AGTPBP1: variants seen among roughly 807,000 people sequenced by gnomAD.
AGTPBP1 encodes cytosolic carboxypeptidase 1.
A neutral mutation model predicts 143.9 loss-of-function variants in AGTPBP1; 70 were observed. The observed-to-expected ratio is 0.49, with a 90% CI of 0.40 to 0.59. AGTPBP1 has a LOEUF of 0.59. Among genes scored for constraint, AGTPBP1 ranks in the 20% least tolerant of loss-of-function variants. The pLI is 0.00. For synonymous variants in AGTPBP1, 463 were observed against 500.2 expected (o/e 0.93, Z 0.99); for missense variants, 1,229 against 1,464.5 (o/e 0.84, Z 2.62).
At chr9:85,559,369 T>C (rs2132822877) in intron 25 of AGTPBP1, among the ~76,000 whole-genome samples, 1 of 151,562 alleles carries the variant, frequency 6.6e-6, no homozygotes, top group South Asian at 2.1e-4. Flanking sequence ...TAACTTCTGG[T>C]AAACACAGAG....
At chr9:85,548,722 C>T (rs1013682129) in intron 25 of AGTPBP1, among the ~76,000 whole-genome samples, 2 of 150,874 alleles carry the variant, frequency 1.3e-5, no homozygotes, top group African/African-American at 2.5e-5. Context: ...GTTGCCCAGG[C>T]TGGAGTGCAG....
intron 25 of AGTPBP1, among the ~76,000 whole-genome samples, chr9:85,564,900 G>A (rs1309547491): frequency 1.3e-5 from 2 of 152,182 alleles, no homozygotes; most frequent in Non-Finnish European, 2.9e-5. Context: ...GATGTATTTT[G>A]CTTGTGAGAA....
intron 3 of AGTPBP1, among the ~76,000 whole-genome samples, chr9:85,681,724 A>G (rs1223295798): frequency 2.0e-5 from 3 of 151,138 alleles, no homozygotes; most frequent in African/African-American, 7.3e-5. Context: ...CCATTTTCCA[A>G]TGCTATGATT....
chr9:85,616,376 A>G (rs1380782282), intron 17 of AGTPBP1, among the ~76,000 whole-genome samples: 1 of 152,016 alleles, frequency 6.6e-6, no homozygotes, highest in Non-Finnish European at 1.5e-5. Flanking sequence ...ATGACACTAG[A>G]GAAATTATTG....
intron 11 of AGTPBP1, among the ~76,000 whole-genome samples, chr9:85,646,923 T>C (rs151016002): frequency 0.013 from 1,931 of 151,816 alleles, 47 homozygotes; most frequent in African/African-American, 0.044. Context: ...ATACCAACGA[T>C]AGCTGGTGTG....
chr9:85,616,002 T>TA (rs71370875), intron 17 of AGTPBP1, among the ~76,000 whole-genome samples: 34,451 of 151,818 alleles, frequency 0.23, 5,039 homozygotes, highest in East Asian at 0.53. Flanking sequence ...GCTGATAACA[T>TA]AAATTTGATT....
the AGTPBP1 span, among the ~76,000 whole-genome samples, chr9:85,788,668 T>C: frequency 5.1e-4 from 77 of 149,596 alleles, no homozygotes; most frequent in African/African-American, 1.7e-3. Context: ...ATATATAGTA[T>C]TATATACTTG....
At chr9:85,742,407 C>T (rs1324837309), upstream of AGTPBP1, among the ~76,000 whole-genome samples, 2 of 151,602 alleles carry the variant, frequency 1.3e-5, no homozygotes, top group Non-Finnish European at 2.9e-5. Context: ...GTTCTTAAAG[C>T]TCCCCACGTG....
the AGTPBP1 span, among the ~76,000 whole-genome samples, chr9:85,802,260 A>G: frequency 7.9e-5 from 12 of 151,516 alleles, no homozygotes; most frequent in African/African-American, 2.7e-4. Context: ...ACCATTCTTC[A>G]CTCCTCTCAT....
At chr9:85,736,499 C>A (rs1005360798) in intron 1 of AGTPBP1, among the ~76,000 whole-genome samples, 2 of 152,136 alleles carry the variant, frequency 1.3e-5, no homozygotes, top group African/African-American at 4.8e-5. Context: ...TGCTAGAGAA[C>A]ACTGTAGAGC....
At chr9:85,724,671 T>C (rs1423417667) in intron 1 of AGTPBP1, among the ~76,000 whole-genome samples, 1 of 152,208 alleles carries the variant, frequency 6.6e-6, no homozygotes, top group Non-Finnish European at 1.5e-5. Flanking sequence ...CACTGGCCAC[T>C]ACTTGATTCT....
chr9:85,759,359 A>G, the AGTPBP1 span, among the ~76,000 whole-genome samples: 4 of 151,604 alleles, frequency 2.6e-5, no homozygotes, highest in Non-Finnish European at 4.4e-5. Flanking sequence ...AAAATTGACC[A>G]CATAGTTGGA....
At chr9:85,593,500 A>T (rs1203810262) in intron 18 of AGTPBP1, among the ~76,000 whole-genome samples, 1 of 152,212 alleles carries the variant, frequency 6.6e-6, no homozygotes, top group African/African-American at 2.4e-5. Flanking sequence ...CAATCGGGGA[A>T]GTCTGAACAT....
chr9:85,708,012 T>G (rs62570569), intron 2 of AGTPBP1, among the ~76,000 whole-genome samples: 2,254 of 152,250 alleles, frequency 0.015, 25 homozygotes, highest in Middle Eastern at 0.037. Flanking sequence ...TGTATACTTA[T>G]GTAACAAAAC....
chr9:85,733,738 C>G (rs1449496704), intron 1 of AGTPBP1, among the ~76,000 whole-genome samples: 1 of 152,084 alleles, frequency 6.6e-6, no homozygotes, highest in African/African-American at 2.4e-5. Context: ...AGAGAGGACT[C>G]AAATTACTAA....
intron 1 of AGTPBP1, among the ~76,000 whole-genome samples, chr9:85,735,180 A>T (rs1372052772): frequency 6.6e-6 from 1 of 152,246 alleles, no homozygotes; most frequent in Non-Finnish European, 1.5e-5. Context: ...ATATACATAT[A>T]ACAGATTATC....
chr9:85,654,145 T>G (rs534256842), intron 11 of AGTPBP1, among the ~76,000 whole-genome samples: 4 of 152,252 alleles, frequency 2.6e-5, no homozygotes, highest in Admixed American at 2.6e-4. Flanking sequence ...CAAATAAGAA[T>G]TTTACATATA....
At chr9:85,638,271 G>C (rs920570769) in intron 13 of AGTPBP1, among the ~76,000 whole-genome samples, 2 of 151,980 alleles carry the variant, frequency 1.3e-5, no homozygotes, top group Non-Finnish European at 2.9e-5. Context: ...AGAGTAACTA[G>C]AATTTTTGCG....
intron 24 of AGTPBP1, among the ~76,000 whole-genome samples, chr9:85,575,730 T>C (rs907209258): frequency 1.3e-5 from 2 of 152,148 alleles, no homozygotes; most frequent in Non-Finnish European, 1.5e-5. Flanking sequence ...ATTTTCACCA[T>C]CACACTAGGG....
Sources: allele counts gnomAD v4.1 joint callset (sites outside exome capture counted in the v4.1 genomes callset), GRCh38; gene constraint gnomAD v4.1.1; transcripts MANE v1.5; gene names NCBI Gene and HGNC (gene_info 2026-07-23, HGNC 2026-07-21).